GPHN: variants seen among roughly 807,000 people sequenced by gnomAD.
GPHN encodes the protein gephyrin.
In GPHN, 17 loss-of-function variants were observed where a neutral mutation model predicts 95.5. The ratio of observed to expected loss-of-function variants is 0.18; its 90% CI spans 0.12 to 0.27. The LOEUF is 0.27. Among genes scored for constraint, GPHN ranks in the 10% least tolerant of loss-of-function variants. The pLI is 1.00. For synonymous variants in GPHN, 320 were observed against 322.5 expected, an observed-to-expected ratio of 0.99 and a Z score of 0.08; for missense variants, 660 against 978.1, an observed-to-expected ratio of 0.67 and a Z score of 4.34.
intron 1 of GPHN, among the ~76,000 whole-genome samples, chr14:66,635,585 GTC>G (rs1033844128): frequency 6.6e-6 from 1 of 152,074 alleles, no homozygotes; most frequent in Non-Finnish European, 1.5e-5. Flanking sequence ...CCACACTACT[GTC>G]TCTCTAGACA....
intron 11 of GPHN, among the ~76,000 whole-genome samples, chr14:67,085,720 CTT>C (rs1175503115): frequency 6.6e-6 from 1 of 152,164 alleles, no homozygotes; most frequent in African/African-American, 2.4e-5. Flanking sequence ...TAACATAAAA[CTT>C]AACTATTTTA....
chr14:66,538,963 A>G (rs548584678), intron 1 of GPHN, among the ~76,000 whole-genome samples: 2 of 152,046 alleles, frequency 1.3e-5, no homozygotes, highest in South Asian at 2.1e-4. Context: ...GGCCAATTTA[A>G]TTAGAGTTTT....
intron 2 of GPHN, among the ~76,000 whole-genome samples, chr14:66,748,420 A>G (rs925516441): frequency 2.0e-5 from 3 of 151,838 alleles, no homozygotes; most frequent in Non-Finnish European, 4.4e-5. Flanking sequence ...CAGCTCAGAG[A>G]TTTTCCCATA....
the GPHN span, chr14:67,320,512 A>T: frequency 1.0e-6 from 1 of 981,916 alleles, no homozygotes; most frequent in Non-Finnish European, 1.4e-6. Context: ...TTGTCAGTGA[A>T]AGAGGAACTT....
chr14:67,575,218 G>C, the GPHN span, among the ~76,000 whole-genome samples: 2 of 152,098 alleles, frequency 1.3e-5, no homozygotes, highest in African/African-American at 4.8e-5. Context: ...GGTGCCACAG[G>C]GTGTCATGGC....
the GPHN span, chr14:67,572,284 C>T: frequency 1.6e-5 from 25 of 1,584,040 alleles, no homozygotes; most frequent in African/African-American, 2.7e-5. Context: ...CGGGGTGAGC[C>T]GGGAAACGGG....
At chr14:66,628,983 T>C (rs2063626873) in intron 1 of GPHN, among the ~76,000 whole-genome samples, 5 of 149,866 alleles carry the variant, frequency 3.3e-5, no homozygotes, top group African/African-American at 1.2e-4. Context: ...AAAGATTGCT[T>C]GAGCACAGGA....
chr14:67,368,420 A>G, the GPHN span, among the ~76,000 whole-genome samples: 1 of 152,200 alleles, frequency 6.6e-6, no homozygotes, highest in Non-Finnish European at 1.5e-5. Flanking sequence ...ACGGAGGGGC[A>G]GTCTCTCCAC....
At chr14:67,448,955 A>C in the GPHN span, among the ~76,000 whole-genome samples, 1 of 152,218 alleles carries the variant, frequency 6.6e-6, no homozygotes, top group Non-Finnish European at 1.5e-5. Flanking sequence ...TGAGGGGAAT[A>C]CTGTGACACT....
At chr14:66,779,322 T>G (rs80233539) in intron 3 of GPHN, among the ~76,000 whole-genome samples, 2,343 of 152,276 alleles carry the variant, frequency 0.015, 32 homozygotes, top group Non-Finnish European at 0.018. Flanking sequence ...ATTGAATAAA[T>G]ATTTTATTTG....
At chr14:67,206,761 C>A in the GPHN span, among the ~76,000 whole-genome samples, 1 of 151,908 alleles carries the variant, frequency 6.6e-6, no homozygotes, top group Non-Finnish European at 1.5e-5. Flanking sequence ...GAGACAGTCT[C>A]ACTCCGTTGC....
At chr14:67,414,676 G>A in the GPHN span, among the ~76,000 whole-genome samples, 4 of 152,240 alleles carry the variant, frequency 2.6e-5, no homozygotes, top group African/African-American at 9.6e-5. Flanking sequence ...AGCCTGATGT[G>A]AGAATCTATC....
chr14:67,599,272 A>T, the GPHN span, among the ~76,000 whole-genome samples: 1 of 152,090 alleles, frequency 6.6e-6, no homozygotes, highest in Non-Finnish European at 1.5e-5. Flanking sequence ...AATTAGGATA[A>T]TTCTTTTTAT....
intron 1 of GPHN, among the ~76,000 whole-genome samples, chr14:66,629,687 C>T (rs1381703407): frequency 3.9e-5 from 6 of 152,100 alleles, no homozygotes; most frequent in Admixed American, 3.3e-4. Context: ...CCCAGCATCA[C>T]CACAGTCATG....
the GPHN span, among the ~76,000 whole-genome samples, chr14:67,213,970 G>C: frequency 6.6e-6 from 1 of 152,210 alleles, no homozygotes; most frequent in African/African-American, 2.4e-5. Context: ...CTTCTTTTGA[G>C]AAGTATCTGT....
At chr14:67,436,846 A>T in the GPHN span, among the ~76,000 whole-genome samples, 3 of 152,222 alleles carry the variant, frequency 2.0e-5, no homozygotes, top group African/African-American at 7.2e-5. Flanking sequence ...ACATGAGCCC[A>T]GGAATTTGAG....
chr14:67,437,760 G>C, the GPHN span, among the ~76,000 whole-genome samples: 2 of 152,112 alleles, frequency 1.3e-5, no homozygotes, highest in African/African-American at 4.8e-5. Context: ...CTGAATCCCA[G>C]ATTTCTAGCT....
At chr14:67,489,566 CCTT>C in the GPHN span, among the ~76,000 whole-genome samples, 1 of 152,310 alleles carries the variant, frequency 6.6e-6, no homozygotes, top group South Asian at 2.1e-4. Context: ...CATTCTGACT[CCTT>C]CTTCCAGACC....
chr14:67,361,912 T>C, the GPHN span, among the ~76,000 whole-genome samples: 1 of 152,368 alleles, frequency 6.6e-6, no homozygotes, highest in East Asian at 1.9e-4. Flanking sequence ...TTCCTGTTCA[T>C]TGCTTCACTG....
Sources: gnomAD v4.1 joint callset for allele counts (sites outside exome capture counted in the v4.1 genomes callset) on GRCh38, gnomAD v4.1.1 for gene constraint, MANE v1.5 for transcripts, NCBI Gene and HGNC (gene_info 2026-07-23, HGNC 2026-07-21) for gene names.